CD244: variants seen among roughly 807,000 people sequenced by gnomAD.
The protein encoded by CD244 is natural killer cell receptor 2B4.
A neutral mutation model predicts 45.5 loss-of-function variants in CD244; 20 were observed. The ratio of observed to expected loss-of-function variants is 0.44; its 90% CI spans 0.31 to 0.64. The LOEUF is 0.64. Among genes scored for constraint, CD244 ranks in the 30% least tolerant of loss-of-function variants. CD244 has a pLI of 0.08. For synonymous variants in CD244, 185 were observed against 160.5 expected (o/e 1.15, Z -1.15); for missense variants, 407 against 426.9 (o/e 0.95, Z 0.41).
rs1334946022 is a variant in CD244, at chr1:160,831,330, G to A, written c.*17C>T. The A allele has an allele frequency of 1.2e-6, 2 of 1,603,216 alleles. No homozygotes were observed. The highest frequency in any genetic ancestry group is 1.7e-6 in the Non-Finnish European group (2 of 1,170,236). On this transcript the variant is annotated 3_prime_UTR_variant, in exon 9 of 9. Transcript: ENST00000368034. Reference sequence around the variant, plus strand: ...GCAGATGCTGATGTGCAAGAAAGGTGAGAATTGCTGCAGCAACTAGGAATA... The same window carrying A: ...GCAGATGCTGATGTGCAAGAAAGGTAAGAATTGCTGCAGCAACTAGGAATA...
intron 1 of CD244, among the ~76,000 whole-genome samples, chr1:160,860,343 A>G (rs532983316): frequency 1.4e-4 from 21 of 152,220 alleles, no homozygotes; most frequent in African/African-American, 2.2e-4. Flanking sequence ...CAAGAATGCA[A>G]TATCATGAAA....
intron 1 of CD244, among the ~76,000 whole-genome samples, chr1:160,859,508 A>G (rs7419145): frequency 0.25 from 37,526 of 152,120 alleles, 4,984 homozygotes; most frequent in East Asian, 0.4. Context: ...GATGCGCTGA[A>G]AAAGACACAG....
Position 160,838,523 on chromosome 1 carries a change from G to A in CD244, c.767-5C>T, listed in dbSNP as rs770850470. The A allele has an allele frequency of 8.7e-6, 14 of 1,608,780 alleles. No homozygotes were observed. The highest frequency in any genetic ancestry group is 1.2e-5 in the Non-Finnish European group (14 of 1,175,284). The stretch of plus-strand genomic sequence containing the variant: ...AAAATTCCTTGGGACTGGTCTCTGA[G>A]GGAGGAAGAAAACAAAGAGCAGAGC... On this transcript the variant is annotated splice_polypyrimidine_tract_variant and splice_region_variant and intron_variant, in intron 4 of 8. Coordinates refer to ENST00000368034, the MANE Select transcript of CD244 (RefSeq NM_016382.4).
intron 6 of CD244, among the ~76,000 whole-genome samples, chr1:160,835,683 C>A (rs1669308570): frequency 6.6e-6 from 1 of 151,776 alleles, no homozygotes; most frequent in Middle Eastern, 3.4e-3. Context: ...CCACCTGTTC[C>A]CAAAAAAACC....
chr1:160,841,989 A>C, intron 1 of CD244, 88 bp from the exon 2 acceptor site: 1 of 1,083,292 alleles, frequency 9.2e-7, no homozygotes. Flanking sequence ...CCTTAAGCCA[A>C]TTGGGTGGGG....
intron 7 of CD244, 199 bp from the exon 8 acceptor site, chr1:160,832,774 T>C (rs1039510561): frequency 9.0e-7 from 1 of 1,112,576 alleles, no homozygotes. Context: ...ATATATACAG[T>C]ATTTGCCTAT....
At position 160,851,100 on chromosome 1, in the gene CD244, A is replaced by G. The variant is rs151295118; in HGVS notation, c.62-9199T>C. On this transcript the variant is annotated intron_variant, in intron 1 of 8. Coordinates refer to ENST00000368034, the MANE Select transcript of CD244 (RefSeq NM_016382.4). ...TCCCAGGGCGTGCCACCCTCCAGGAACCTCCGCATGTTTAGCTCTCTGAAC... is the reference window on the plus strand; with the variant it reads ...TCCCAGGGCGTGCCACCCTCCAGGAGCCTCCGCATGTTTAGCTCTCTGAAC... Among the ~76,000 whole-genome samples, 407 of 152,138 alleles carry G rather than the reference A, an allele frequency of 2.7e-3. 3 individuals carry two copies. Among genetic ancestry groups the G allele is most frequent in the African/African-American group, 9.2e-3 (382 of 41,490 alleles).
intron 1 of CD244, among the ~76,000 whole-genome samples, chr1:160,849,846 C>G (rs1246563903): frequency 1.3e-5 from 2 of 152,270 alleles, no homozygotes; most frequent in Admixed American, 6.5e-5. Flanking sequence ...AACTCCATCT[C>G]TACTAAAAAT....
In CD244 at chr1:160,834,037, G is replaced by T. The variant is rs201735445; in HGVS notation, c.960+14C>A. ...ATCAACAACACCCCACCACCACCAC[G>T]GGAAGAGGCTCACCTTCCTGGAAGG... On this transcript the variant is annotated intron_variant, in intron 7 of 8. Coordinates refer to ENST00000368034, the MANE Select transcript of CD244 (RefSeq NM_016382.4). The T allele has an allele frequency of 2.5e-6, 4 of 1,593,738 alleles. No homozygotes were observed. The highest frequency in any genetic ancestry group is 2.6e-6 in the Non-Finnish European group (3 of 1,161,664).
At chr1:160,860,948 A>G (rs1025190039) in intron 1 of CD244, among the ~76,000 whole-genome samples, 7 of 152,162 alleles carry the variant, frequency 4.6e-5, no homozygotes, top group African/African-American at 1.4e-4. Context: ...GTCACTCACC[A>G]GCTTCACCGT....
chr1:160,845,701 C>A (rs1669708312), intron 1 of CD244, among the ~76,000 whole-genome samples: 1 of 151,808 alleles, frequency 6.6e-6, no homozygotes, highest in Non-Finnish European at 1.5e-5. Context: ...GCTAAAAATG[C>A]AAAAATTAGC....
chr1:160,853,956 G>A (rs1670014251), intron 1 of CD244, among the ~76,000 whole-genome samples: 1 of 152,124 alleles, frequency 6.6e-6, no homozygotes, highest in African/African-American at 2.4e-5. Flanking sequence ...GAGGCGGTGG[G>A]TGGGAGCTGC....
At chr1:160,861,902 C>A (rs148767457) in intron 1 of CD244, among the ~76,000 whole-genome samples, 14 of 152,196 alleles carry the variant, frequency 9.2e-5, no homozygotes, top group African/African-American at 3.4e-4. Context: ...AAATTAAATG[C>A]GGGATCCAGG....
intron 1 of CD244, among the ~76,000 whole-genome samples, chr1:160,852,727 C>A (rs1245951397): frequency 6.6e-6 from 1 of 151,654 alleles, no homozygotes; most frequent in Non-Finnish European, 1.5e-5. Context: ...AGAATTTGTA[C>A]ACAAGAAAAT....
In CD244 at chr1:160,835,150, G is replaced by A. The variant is rs369020350; in HGVS notation, c.895-1034C>T. 2.6e-5 allele frequency among the ~76,000 whole-genome samples: 4 copies of A among 152,074 alleles called. No homozygotes were observed. The East Asian group carries it at 5.8e-4, about 22-fold the overall frequency. The stretch of plus-strand genomic sequence containing the variant: ...GAAAGTCTTTTATTACTGGCCACCA[G>A]GAGGCAGTGTTTCCCTTGGGAGAGA... On this transcript the variant is annotated intron_variant, in intron 6 of 8. Coordinates refer to ENST00000368034, the MANE Select transcript of CD244 (RefSeq NM_016382.4).
Position 160,841,850 on chromosome 1 carries a change from T to G in CD244, c.113A>C (p.Gln38Pro), listed in dbSNP as rs750555557. 6.2e-7 allele frequency: 1 copy of G among 1,614,054 alleles called. No individual in the cohort carries two copies. The highest frequency in any genetic ancestry group is 8.5e-7 in the Non-Finnish European group (1 of 1,180,032). Residue 38 changes from glutamine to proline, a missense_variant, in exon 2 of 9, where the codon CAG becomes CCG. Gln to Pro is a moderately conservative substitution (Grantham distance 76). Coordinates refer to ENST00000368034, the MANE Select transcript of CD244 (RefSeq NM_016382.4). Reference sequence around the variant, plus strand: ...CGTCTGTATGCTGTTTGGTTGTAACTGAAGAGGCACTCCCGAGATGCTAAC... The same window carrying G: ...CGTCTGTATGCTGTTTGGTTGTAACGGAAGAGGCACTCCCGAGATGCTAAC... ...HVVSISGVPLQLQPNSIQTKV... is the reference protein window; with the variant it reads ...HVVSISGVPLPLQPNSIQTKV...
intron 1 of CD244, among the ~76,000 whole-genome samples, chr1:160,845,790 A>G (rs1477345698): frequency 6.6e-6 from 1 of 151,424 alleles, no homozygotes; most frequent in African/African-American, 2.4e-5. Context: ...CAGGAGGTGG[A>G]GGTTGCAGTG....
At chr1:160,838,223 A>C (rs1453941799) in intron 5 of CD244, among the ~76,000 whole-genome samples, 1 of 152,196 alleles carries the variant, frequency 6.6e-6, no homozygotes, top group Non-Finnish European at 1.5e-5. Flanking sequence ...TTCTGCACCA[A>C]GATGCCCCTT....
chr1:160,838,661 C>T, intron 4 of CD244, 143 bp from the exon 5 acceptor site: 2 of 679,390 alleles, frequency 2.9e-6, no homozygotes, highest in Non-Finnish European at 5.3e-6. Flanking sequence ...TTCCCAGGAA[C>T]CCCAAAGAGC....
Sources: gnomAD v4.1 joint callset for allele counts (sites outside exome capture counted in the v4.1 genomes callset) on GRCh38, gnomAD v4.1.1 for gene constraint, MANE v1.5 for transcripts, NCBI Gene and HGNC (gene_info 2026-07-23, HGNC 2026-07-21) for gene names.